ADGRL2: variants seen among roughly 807,000 people sequenced by gnomAD.
The protein encoded by ADGRL2 is adhesion G protein-coupled receptor L2.
Under a neutral mutation model 157.4 loss-of-function variants are expected in ADGRL2, and 44 were observed. The observed-to-expected ratio is 0.28, with a 90% CI of 0.22 to 0.36. The LOEUF (loss-of-function observed/expected upper bound fraction) is 0.36. Ranked by LOEUF, ADGRL2 falls within the 10% of genes least tolerant of loss-of-function variation. The pLI, the probability that ADGRL2 is intolerant of heterozygous loss-of-function variation, is 1.00. For missense variants in ADGRL2, 1,510 were observed against 1,768.9 expected, an observed-to-expected ratio of 0.85 and a Z score of 2.63; for synonymous variants, 585 against 624.7, an observed-to-expected ratio of 0.94 and a Z score of 0.95.
intron 2 of ADGRL2, among the ~76,000 whole-genome samples, chr1:81,862,579 G>A (rs1322770243): frequency 6.6e-6 from 1 of 152,238 alleles, no homozygotes; most frequent in South Asian, 2.1e-4. Context: ...ATGAATGAAT[G>A]AATGAATGAC....
intron 2 of ADGRL2, among the ~76,000 whole-genome samples, chr1:81,563,994 A>G (rs989209606): frequency 6.6e-6 from 1 of 152,230 alleles, no homozygotes; most frequent in Admixed American, 6.5e-5. Flanking sequence ...GAGGAAATAG[A>G]GAACTGAAGA....
intron 1 of ADGRL2, among the ~76,000 whole-genome samples, chr1:81,335,191 T>C (rs1325382820): frequency 6.6e-6 from 1 of 152,236 alleles, no homozygotes; most frequent in African/African-American, 2.4e-5. Flanking sequence ...ATATGTGTTT[T>C]TTAATATTTG....
chr1:81,676,469 T>TA (rs1237104617), intron 3 of ADGRL2, among the ~76,000 whole-genome samples: 2 of 152,054 alleles, frequency 1.3e-5, no homozygotes, highest in East Asian at 1.9e-4. Flanking sequence ...AGCAAATTTT[T>TA]AAAAAATTTT....
At chr1:81,637,837 C>G (rs1414003657) in intron 3 of ADGRL2, among the ~76,000 whole-genome samples, 1 of 151,756 alleles carries the variant, frequency 6.6e-6, no homozygotes. Flanking sequence ...AACATATTAA[C>G]TTAAAATTCA....
intron 2 of ADGRL2, among the ~76,000 whole-genome samples, chr1:81,484,907 A>G (rs936557016): frequency 3.9e-5 from 6 of 152,162 alleles, no homozygotes; most frequent in Non-Finnish European, 8.8e-5. Context: ...GATTCTACCC[A>G]TAAGGTGTTT....
At chr1:81,360,029 A>G (rs2075950837) in intron 1 of ADGRL2, among the ~76,000 whole-genome samples, 1 of 152,002 alleles carries the variant, frequency 6.6e-6, no homozygotes, top group Admixed American at 6.6e-5. Context: ...GAATTGTGTC[A>G]GTCCTTAACT....
rs1255001131 is a variant in ADGRL2, at chr1:81,418,156, G to A, written c.-301-26880G>A. Among the ~76,000 whole-genome samples, 6 of 152,092 alleles carry A rather than the reference G, an allele frequency of 3.9e-5. No individual in the cohort carries two copies. In the East Asian group the frequency reaches 9.7e-4, roughly 25 times the overall value. On this transcript the variant is annotated intron_variant, in intron 1 of 24. Coordinates refer to the ADGRL2 transcript ENST00000370721. ...AATGTATGCTAGGTCTCATCAAAAT[G>A]GAATGAACCAGAATATCTGCACACT... is the stretch of plus-strand genomic sequence containing the variant.
In ADGRL2 at chr1:81,985,368, G is replaced by C. The variant is rs752801456; in HGVS notation, c.3508+13G>C. On this transcript the variant is annotated intron_variant, in intron 21 of 23. Transcript: ENST00000686636. ...ACACTTAATCAAGGTCAGTTATCAGGAAAATTTGAGTTACTACCATTTATT... is the reference window on the plus strand; with the variant it reads ...ACACTTAATCAAGGTCAGTTATCAGCAAAATTTGAGTTACTACCATTTATT... The C allele has an allele frequency of 2.8e-6, 4 of 1,445,508 alleles. No homozygotes were observed. Among genetic ancestry groups the C allele is most frequent in the Non-Finnish European group, 2.9e-6 (3 of 1,036,896 alleles). 89.5% of individuals were successfully genotyped at this position (1,445,508 alleles called of 1,614,324 possible).
At chr1:81,895,611 T>G (rs2094369090) in intron 2 of ADGRL2, among the ~76,000 whole-genome samples, 1 of 152,022 alleles carries the variant, frequency 6.6e-6, no homozygotes, top group Non-Finnish European at 1.5e-5. Context: ...GCCAGGCTGG[T>G]CTCAAACTCC....
Position 81,979,852 on chromosome 1 carries a change from T to G in ADGRL2, c.3022-17T>G, listed in dbSNP as rs780738190. The G allele has an allele frequency of 2.0e-6, 3 of 1,469,534 alleles. No individual in the cohort carries two copies. The highest frequency in any genetic ancestry group is 2.9e-6 in the Non-Finnish European group (3 of 1,050,908). The allele number at this position is 1,469,534 out of a possible 1,614,324, so 91.0% of individuals were successfully genotyped here. A position where few individuals can be genotyped will look rare whatever the true frequency, so the allele number is the denominator to read the frequency against. Reference sequence around the variant, plus strand: ...CTCTTTGTTCATTGTGGTCTAATTCTTTATTTGTTACAACAGCTAAATATT... The same window carrying G: ...CTCTTTGTTCATTGTGGTCTAATTCGTTATTTGTTACAACAGCTAAATATT... On this transcript the variant is annotated splice_polypyrimidine_tract_variant and intron_variant, in intron 17 of 23. Transcript: ENST00000686636.
At chr1:81,874,609 TTTGTCTTGTCTTGTC>T (rs762434531) in intron 2 of ADGRL2, among the ~76,000 whole-genome samples, 22 of 147,552 alleles carry the variant, frequency 1.5e-4, no homozygotes, top group Middle Eastern at 3.4e-3. Context: ...TCTTGTCTTG[TTTGTCTTGTCTTGTC>T]TTGTCTTGTC....
chr1:81,775,015 A>G (rs886066761), intron 2 of ADGRL2, among the ~76,000 whole-genome samples: 1 of 152,308 alleles, frequency 6.6e-6, no homozygotes, highest in South Asian at 2.1e-4. Context: ...AAAAGCTGGC[A>G]GAAACATTTA....
At chr1:81,685,217 G>A (rs2083204698) in intron 3 of ADGRL2, among the ~76,000 whole-genome samples, 1 of 152,112 alleles carries the variant, frequency 6.6e-6, no homozygotes. Context: ...TTTGTAGATT[G>A]CTTTTGGCAG....
intron 2 of ADGRL2, among the ~76,000 whole-genome samples, chr1:81,903,728 T>TATAC (rs1000756095): frequency 6.8e-6 from 1 of 146,338 alleles, no homozygotes; most frequent in Non-Finnish European, 1.5e-5. Flanking sequence ...TATATATATA[T>TATAC]ACATTATATA....
chr1:81,382,164 A>AT (rs2076354991), intron 1 of ADGRL2, among the ~76,000 whole-genome samples: 1 of 152,140 alleles, frequency 6.6e-6, no homozygotes, highest in South Asian at 2.1e-4. Context: ...ATTATATAGT[A>AT]TTTTTCCAGG....
At chr1:81,818,980 G>A (rs2090705923) in intron 1 of ADGRL2, among the ~76,000 whole-genome samples, 2 of 152,154 alleles carry the variant, frequency 1.3e-5, no homozygotes, top group African/African-American at 4.8e-5. Context: ...TGTACAGAAA[G>A]TAGGAGATGA....
intron 8 of ADGRL2, 29 bp from the exon 9 acceptor site, chr1:81,951,928 A>T (rs760840467): frequency 9.1e-6 from 14 of 1,537,396 alleles, no homozygotes; most frequent in Non-Finnish European, 1.2e-5. Flanking sequence ...AAAAAAATTT[A>T]AATGAGATAA....
chr1:81,356,971 A>AAAAAAG (rs80327519), intron 1 of ADGRL2, among the ~76,000 whole-genome samples: 7 of 99,396 alleles, frequency 7.0e-5, no homozygotes, highest in South Asian at 4.7e-4. Flanking sequence ...AAAAAAAAAA[A>AAAAAAG]AAGAAGTTGT....
At chr1:81,602,897 CAAAA>C (rs35152437) in intron 3 of ADGRL2, among the ~76,000 whole-genome samples, 3 of 120,388 alleles carry the variant, frequency 2.5e-5, no homozygotes, top group Non-Finnish European at 1.7e-5. Flanking sequence ...GACTCTGTCT[CAAAA>C]AAAAAAAAAA....
Sources: allele counts gnomAD v4.1 joint callset (sites outside exome capture counted in the v4.1 genomes callset), GRCh38; gene constraint gnomAD v4.1.1; transcripts MANE v1.5; gene names NCBI Gene and HGNC (gene_info 2026-07-23, HGNC 2026-07-21).